PTPRD: variants seen among roughly 807,000 people sequenced by gnomAD.
PTPRD encodes receptor-type tyrosine-protein phosphatase delta.
A neutral mutation model predicts 214.5 loss-of-function variants in PTPRD; 34 were observed. The ratio of observed to expected loss-of-function variants is 0.16; its 90% CI spans 0.12 to 0.21. PTPRD has a LOEUF of 0.21. Ranked by LOEUF, PTPRD falls within the 10% of genes least tolerant of loss-of-function variation. The pLI is 1.00. For synonymous variants in PTPRD, 1,128 were observed against 845.7 expected (o/e 1.33, Z -5.79); for missense variants, 2,545 against 2,398.7 (o/e 1.06, Z -1.27).
chr9:8,613,602 A>G (rs1310332273), intron 14 of PTPRD, among the ~76,000 whole-genome samples: 1 of 152,134 alleles, frequency 6.6e-6, no homozygotes, highest in African/African-American at 2.4e-5. Flanking sequence ...CCAGAAAATG[A>G]TCACTCACCT....
At chr9:8,851,319 T>G (rs1272330382) in intron 11 of PTPRD, among the ~76,000 whole-genome samples, 1 of 152,196 alleles carries the variant, frequency 6.6e-6, no homozygotes, top group Admixed American at 6.5e-5. Flanking sequence ...TTAATAAAAT[T>G]TAGACTTTAG....
intron 9 of PTPRD, among the ~76,000 whole-genome samples, chr9:9,296,954 ATCTGGGGCAG>A (rs1367792432): frequency 1.3e-5 from 2 of 151,798 alleles, no homozygotes; most frequent in African/African-American, 4.8e-5. Context: ...AAGATCTGAA[ATCTGGGGCAG>A]TCTATAAAAC....
intron 12 of PTPRD, among the ~76,000 whole-genome samples, chr9:8,685,364 A>G (rs1478179794): frequency 6.6e-6 from 1 of 152,184 alleles, no homozygotes; most frequent in Non-Finnish European, 1.5e-5. Flanking sequence ...TTGGGGAAAA[A>G]AAAATCATTT....
chr9:9,448,407 T>A (rs2091150670), intron 8 of PTPRD, among the ~76,000 whole-genome samples: 2 of 152,128 alleles, frequency 1.3e-5, no homozygotes, highest in Non-Finnish European at 2.9e-5. Flanking sequence ...TCATGAGATC[T>A]GATGGTTTCC....
At chr9:8,960,394 A>C (rs1265502549) in intron 11 of PTPRD, among the ~76,000 whole-genome samples, 2 of 152,046 alleles carry the variant, frequency 1.3e-5, no homozygotes, top group African/African-American at 2.4e-5. Context: ...ATTCAGAGAG[A>C]GAAGTGGTCC....
chr9:10,157,352 C>G (rs756287642), intron 3 of PTPRD, among the ~76,000 whole-genome samples: 1 of 152,160 alleles, frequency 6.6e-6, no homozygotes, highest in Non-Finnish European at 1.5e-5. Context: ...TCTTCATTTG[C>G]TTGTCTAAAA....
At chr9:9,845,600 G>A (rs936524196) in intron 5 of PTPRD, among the ~76,000 whole-genome samples, 1 of 151,852 alleles carries the variant, frequency 6.6e-6, no homozygotes, top group Non-Finnish European at 1.5e-5. Flanking sequence ...TCAGTTAGTG[G>A]TGATATTCAA....
chr9:8,743,047 A>G (rs979615053), intron 11 of PTPRD, among the ~76,000 whole-genome samples: 18 of 148,198 alleles, frequency 1.2e-4, no homozygotes, highest in African/African-American at 3.9e-4. Flanking sequence ...CAGCAATGCC[A>G]AAGGTGGGAA....
chr9:8,405,000 G>A (rs374316375), intron 35 of PTPRD, among the ~76,000 whole-genome samples: 1 of 152,074 alleles, frequency 6.6e-6, no homozygotes, highest in South Asian at 2.1e-4. Context: ...TATTCCTTCC[G>A]GTTCTGTAAA....
chr9:10,451,031 G>C lies in PTPRD; in HGVS notation c.-599-110014C>G, dbSNP rs149260506. Among the ~76,000 whole-genome samples the C allele has an allele frequency of 7.9e-5, 12 of 152,048 alleles. No individual in the cohort carries two copies. In the East Asian group the frequency reaches 2.1e-3, roughly 27 times the overall value. ...GTAAATGCCACTTAATAACATGATA[G>C]ATAATCTTGACACTTTACTCAAGAA... is the stretch of plus-strand genomic sequence containing the variant. On this transcript the variant is annotated intron_variant, in intron 2 of 45. Transcript: ENST00000381196.
At position 9,261,980 on chromosome 9, in the gene PTPRD, G is replaced by A. The variant is rs149472501; in HGVS notation, c.-202-78617C>T. 5.9e-5 allele frequency among the ~76,000 whole-genome samples: 9 copies of A among 151,790 alleles called. No homozygotes were observed. The East Asian group carries it at 1.8e-3, about 30-fold the overall frequency. On this transcript the variant is annotated intron_variant, in intron 9 of 45. Coordinates refer to ENST00000381196, the MANE Select transcript of PTPRD (RefSeq NM_002839.4). ...GAAAGGAAATCATATACTAAAGGAG[G>A]AGGATAACTTTAAACAGTATAGATT...
chr9:8,549,596 CAT>C (rs896304507), intron 14 of PTPRD, among the ~76,000 whole-genome samples: 6 of 152,072 alleles, frequency 3.9e-5, no homozygotes, highest in African/African-American at 1.2e-4. Flanking sequence ...AGATTTTAAA[CAT>C]AGAGAAAAAT....
intron 3 of PTPRD, among the ~76,000 whole-genome samples, chr9:10,266,069 T>C (rs1343615727): frequency 1.3e-5 from 2 of 152,126 alleles, no homozygotes; most frequent in Non-Finnish European, 2.9e-5. Flanking sequence ...GCAATACCTT[T>C]TTCATGGCCC....
At chr9:9,750,080 G>C (rs2476585) in intron 6 of PTPRD, among the ~76,000 whole-genome samples, 123,107 of 152,036 alleles carry the variant, frequency 0.81, 50,503 homozygotes, top group African/African-American at 0.94. Flanking sequence ...TTAATGTAAA[G>C]CAGTTTTACT....
intron 7 of PTPRD, among the ~76,000 whole-genome samples, chr9:9,683,956 C>G (rs925547118): frequency 6.6e-6 from 1 of 151,598 alleles, no homozygotes; most frequent in African/African-American, 2.4e-5. Context: ...GATCAACATT[C>G]ATGTCCTTGA....
chr9:9,927,219 T>A (rs911393793), intron 5 of PTPRD, among the ~76,000 whole-genome samples: 1 of 152,166 alleles, frequency 6.6e-6, no homozygotes, highest in African/African-American at 2.4e-5. Context: ...CAATGTAAAC[T>A]ATACCCACTG....
chr9:9,581,382 A>C (rs1425512245), intron 7 of PTPRD, among the ~76,000 whole-genome samples: 1 of 152,190 alleles, frequency 6.6e-6, no homozygotes, highest in Non-Finnish European at 1.5e-5. Context: ...CTTTCTTGCA[A>C]AACCAGATAA....
intron 4 of PTPRD, among the ~76,000 whole-genome samples, chr9:9,951,605 A>C (rs1384225745): frequency 6.6e-6 from 1 of 152,226 alleles, no homozygotes; most frequent in Non-Finnish European, 1.5e-5. Context: ...GAGGGCATAC[A>C]TGGATATTAT....
chr9:9,399,247 T>C (rs1004164624), intron 8 of PTPRD, among the ~76,000 whole-genome samples: 6 of 151,986 alleles, frequency 3.9e-5, no homozygotes, highest in East Asian at 1.9e-4. Flanking sequence ...ATAAAAGCAC[T>C]GGTTTCTTAA....
Sources: gnomAD v4.1 joint callset for allele counts (sites outside exome capture counted in the v4.1 genomes callset) on GRCh38, gnomAD v4.1.1 for gene constraint, MANE v1.5 for transcripts, NCBI Gene and HGNC (gene_info 2026-07-23, HGNC 2026-07-21) for gene names.